ABCB7: variants seen among roughly 807,000 people sequenced by gnomAD.
ABCB7 encodes iron-sulfur clusters transporter ABCB7, mitochondrial.
Under a neutral mutation model 54.4 loss-of-function variants are expected in ABCB7, and 7 were observed. That is an observed-to-expected ratio of 0.13 (90% CI 0.07 to 0.24). The LOEUF is 0.24. Among genes scored for constraint, ABCB7 ranks in the 10% least tolerant of loss-of-function variants. ABCB7 has a pLI of 1.00. For missense variants in ABCB7, 356 were observed against 570.4 expected (o/e 0.62, Z 3.83); for synonymous variants, 218 against 207.1 (o/e 1.05, Z -0.45).
chrX:75,117,769 G>GA (rs1199607345), intron 1 of ABCB7, among the ~76,000 whole-genome samples: 14 of 111,626 alleles, frequency 1.3e-4, no homozygotes, highest in Admixed American at 1.1e-3. Context: ...GGGACTGCTG[G>GA]AAAAAATCCC....
chrX:75,088,492 C>A (rs1324946653), intron 4 of ABCB7, among the ~76,000 whole-genome samples: 1 of 111,718 alleles, frequency 9.0e-6, no homozygotes, highest in Admixed American at 9.5e-5. Flanking sequence ...TACAAGAAAT[C>A]AAAAACACTC....
At chrX:75,053,613 G>T (rs1051322210) in intron 15 of ABCB7, 28 bp from the exon 16 acceptor site, 1 of 1,166,764 alleles carries the variant, frequency 8.6e-7, no homozygotes, top group Non-Finnish European at 1.1e-6. Context: ...GAGAAACACG[G>T]AGAAAGGTCA....
intron 1 of ABCB7, among the ~76,000 whole-genome samples, chrX:75,142,976 G>C (rs1373230306): frequency 8.9e-6 from 1 of 112,279 alleles, no homozygotes; most frequent in Non-Finnish European, 1.9e-5. Flanking sequence ...TCTAGAAACA[G>C]AATACAGTTT....
In ABCB7 at chrX:75,064,861, G is replaced by GA. The variant is rs113946697; in HGVS notation, c.1831+208dup. On this transcript the variant is annotated intron_variant, in intron 13 of 15. Transcript: ENST00000373394. ...ACCTACAGTGTTTGCAGCTGCAAGT[G>GA]AAAAAAAAAAGACTTGCATGACTTG... Among the ~76,000 whole-genome samples the GA allele has an allele frequency of 0.33, 34,336 of 103,540 alleles. 7,853 individuals carry two copies. The highest frequency in any genetic ancestry group is 0.93 in the East Asian group (3,042 of 3,274). The allele number at this position is 103,540 out of a possible 115,157, so 89.9% of individuals were successfully genotyped here. A position where few individuals can be genotyped will look rare whatever the true frequency, so the allele number is the denominator to read the frequency against.
intron 15 of ABCB7, among the ~76,000 whole-genome samples, chrX:75,057,652 C>A (rs777082287): frequency 3.4e-4 from 38 of 111,699 alleles, no homozygotes; most frequent in Admixed American, 2.3e-3. Flanking sequence ...CATTGAAAGG[C>A]TGACCGGAAG....
chrX:75,085,574 G>A (rs2147484840), intron 4 of ABCB7, among the ~76,000 whole-genome samples: 1 of 110,860 alleles, frequency 9.0e-6, no homozygotes, highest in South Asian at 3.9e-4. Flanking sequence ...ATACTAAAAA[G>A]AGTGCACTCC....
intron 15 of ABCB7, among the ~76,000 whole-genome samples, chrX:75,054,186 C>A (rs1231459897): frequency 8.9e-6 from 1 of 112,060 alleles, no homozygotes; most frequent in African/African-American, 3.2e-5. Context: ...GTTAACCATG[C>A]TGAGAGACAA....
intron 1 of ABCB7, among the ~76,000 whole-genome samples, chrX:75,125,662 A>G (rs1159343034): frequency 9.0e-6 from 1 of 110,905 alleles, no homozygotes; most frequent in Non-Finnish European, 1.9e-5. Flanking sequence ...TGCTACGGGC[A>G]CTCAAGCCTG....
intron 1 of ABCB7, among the ~76,000 whole-genome samples, chrX:75,141,482 A>G (rs2082053393): frequency 9.0e-6 from 1 of 111,045 alleles, no homozygotes; most frequent in African/African-American, 3.3e-5. Flanking sequence ...TGAATATTAG[A>G]TCATATGCAT....
chrX:75,101,525 T>C (rs2081639657), intron 3 of ABCB7, among the ~76,000 whole-genome samples: 2 of 111,390 alleles, frequency 1.8e-5, no homozygotes, highest in African/African-American at 6.5e-5. Flanking sequence ...GTATAGTTCT[T>C]AATGTTTTAT....
intron 3 of ABCB7, among the ~76,000 whole-genome samples, chrX:75,099,559 C>A (rs1044851959): frequency 1.8e-5 from 2 of 111,319 alleles, no homozygotes; most frequent in South Asian, 3.7e-4. Flanking sequence ...CTATATCAAA[C>A]AAAGTTGAGT....
At chrX:75,125,283 G>C (rs775005017) in intron 1 of ABCB7, among the ~76,000 whole-genome samples, 1 of 111,529 alleles carries the variant, frequency 9.0e-6, no homozygotes, top group Non-Finnish European at 1.9e-5. Context: ...GCTTATAACA[G>C]AAAGTGTAGG....
chrX:75,132,349 G>T (rs1053721804), intron 1 of ABCB7, among the ~76,000 whole-genome samples: 18 of 113,089 alleles, frequency 1.6e-4, no homozygotes, highest in Admixed American at 1.6e-3. Context: ...TCTGGCTTGG[G>T]CCCGCAACAC....
intron 3 of ABCB7, among the ~76,000 whole-genome samples, chrX:75,102,051 A>G (rs2081644728): frequency 9.0e-6 from 1 of 111,459 alleles, no homozygotes; most frequent in South Asian, 3.8e-4. Context: ...TCCGAGGCAC[A>G]GTTTTTATTG....
chrX:75,060,363 A>G (rs2081273265), intron 14 of ABCB7, 33 bp from the exon 15 acceptor site: 1 of 1,050,000 alleles, frequency 9.5e-7, no homozygotes, highest in South Asian at 1.9e-5. Context: ...AACAGGAGAA[A>G]ATAAAAAGAA....
At chrX:75,153,243 A>G (rs936241533) in intron 1 of ABCB7, among the ~76,000 whole-genome samples, 5 of 110,514 alleles carry the variant, frequency 4.5e-5, no homozygotes, top group African/African-American at 1.3e-4. Context: ...ATGCCCGGCT[A>G]ATTTTTTTTG....
At chrX:75,094,050 A>ATC (rs1555949346) in intron 4 of ABCB7, among the ~76,000 whole-genome samples, 117 of 20,484 alleles carry the variant, frequency 5.7e-3, no homozygotes, top group African/African-American at 7.8e-3. Flanking sequence ...ATATATATAT[A>ATC]TATCTATCTT....
In ABCB7 at chrX:75,060,344, A is replaced by C; in HGVS notation, c.1936-14T>G. On this transcript the variant is annotated splice_polypyrimidine_tract_variant and intron_variant, in intron 14 of 15. Transcript: ENST00000373394. The stretch of plus-strand genomic sequence containing the variant: ...ACCAAGAATAGTCTGCAAGTTTGGT[A>C]ATATGAAGAACAGGAGAAAATAAAA... 9.0e-7 allele frequency: 1 copy of C among 1,109,621 alleles called. No homozygotes were observed. The highest frequency in any genetic ancestry group is 1.2e-6 in the Non-Finnish European group (1 of 802,626). 91.4% of individuals were successfully genotyped at this position (1,109,621 alleles called of 1,213,427 possible).
intron 4 of ABCB7, among the ~76,000 whole-genome samples, chrX:75,085,971 C>T (rs999801822): frequency 6.4e-5 from 7 of 109,335 alleles, no homozygotes; most frequent in Non-Finnish European, 9.5e-5. Flanking sequence ...CTCAGCCTCC[C>T]GAGTAGCTAG....
Sources: allele counts gnomAD v4.1 joint callset (sites outside exome capture counted in the v4.1 genomes callset), GRCh38; gene constraint gnomAD v4.1.1; transcripts MANE v1.5; gene names NCBI Gene and HGNC (gene_info 2026-07-23, HGNC 2026-07-21).